Variants in CCDC88A observed in about 807,000 individuals in gnomAD.
The protein encoded by CCDC88A is girdin.
In CCDC88A, 54 loss-of-function variants were observed where a neutral mutation model predicts 234.3. The observed-to-expected ratio is 0.23, with a 90% CI of 0.19 to 0.29. The LOEUF is 0.29. CCDC88A is among the 10% of genes least tolerant of loss of function. The probability of loss-of-function intolerance (pLI) is 1.00; values close to 1 mark genes in which losing one functional copy is unlikely to be tolerated. For synonymous variants in CCDC88A, 753 were observed against 737.8 expected, an observed-to-expected ratio of 1.02 and a Z score of -0.33; for missense variants, 1,832 against 2,123.4, an observed-to-expected ratio of 0.86 and a Z score of 2.70.
rs988767674 is a variant in CCDC88A at position 55,309,910 on chromosome 2, GTA to G, written c.4080-658_4080-657del. ...TAATAACATATAATATTGTGTGTGTGTATATATATAAAATGACTATATAATCC... is the reference window on the plus strand; with the variant it reads ...TAATAACATATAATATTGTGTGTGTGTATATATAAAATGACTATATAATCC... On this transcript the variant is annotated intron_variant, in intron 23 of 32. Coordinates refer to ENST00000436346, the MANE Select transcript of CCDC88A (RefSeq NM_001365480.1). The surrounding 1 kb of genome is among the most constrained non-coding windows in gnomAD (Gnocchi z 5.1). Among the ~76,000 whole-genome samples, 1 of 152,022 alleles carries G rather than the reference GTA, an allele frequency of 6.6e-6. No individual in the cohort carries two copies. Among genetic ancestry groups the G allele is most frequent in the Non-Finnish European group, 1.5e-5 (1 of 67,996 alleles).
Position 55,312,458 on chromosome 2 carries a change from A to G in CCDC88A, c.4055T>C (p.Phe1352Ser). The G allele has an allele frequency of 6.2e-7, 1 of 1,612,374 alleles. No homozygotes were observed. Among genetic ancestry groups the G allele is most frequent in the Non-Finnish European group, 8.5e-7 (1 of 1,179,328 alleles). ...LEQNMESKDL[F>S]HVEQRQYIDK... ...CATGTACTGTCTTTGTTCAACATGA[A>G]AAAGATCCTTGCTTTCCATATTCTG... Residue 1352 changes from phenylalanine to serine, a missense_variant, in exon 23 of 33, where the codon TTT becomes TCT. By Grantham distance (155) the Phe-to-Ser change is radical. Around this residue, in one of 6 missense-constraint regions of CCDC88A, gnomAD observed 1,282 missense variants for 1,543.6 expected, o/e 0.83. Coordinates refer to ENST00000436346, the MANE Select transcript of CCDC88A (RefSeq NM_001365480.1).
intron 3 of CCDC88A, among the ~76,000 whole-genome samples, chr2:55,377,691 C>T (rs1383952249): frequency 6.6e-6 from 1 of 152,020 alleles, no homozygotes; most frequent in Non-Finnish European, 1.5e-5. Context: ...TTCAATGCAA[C>T]CTCCGCCTCC....
intron 7 of CCDC88A, among the ~76,000 whole-genome samples, chr2:55,357,676 C>G (rs1184368078): frequency 2.0e-5 from 3 of 152,104 alleles, no homozygotes; most frequent in African/African-American, 7.2e-5. Context: ...TGCTTTATTT[C>G]TCATCGCCAA....
In CCDC88A at chr2:55,317,590, C is replaced by A; in HGVS notation, c.3576G>T (p.Glu1192Asp). ...GGTCTTCAAGGTCTCTATGTTCCAC[C>A]TCAAGATTTTTGTGGGCAGACTTCA... ...GTLKSAHKNL[E>D]VEHRDLEDRY... The change falls in exon 20 of 33, where the codon GAG (glutamate) becomes GAT (aspartate). Residue 1192 changes from glutamate to aspartate, a missense_variant. Physicochemically the swap from Glu to Asp is conservative, Grantham distance 45 (BLOSUM62 2). This residue lies in a region of CCDC88A where 1,282 missense variants were observed against 1,543.6 expected (regional missense o/e 0.83). Transcript: ENST00000436346. This position sits in a 1 kb window ranked among gnomAD's most constrained non-coding sequence, Gnocchi z 4.2. The A allele has an allele frequency of 6.3e-7, 1 of 1,583,304 alleles. No homozygotes were observed. Among genetic ancestry groups the A allele is most frequent in the Non-Finnish European group, 8.6e-7 (1 of 1,158,982 alleles).
chr2:55,315,807 T>A, intron 22 of CCDC88A, 121 bp downstream of exon 22: 1 of 503,344 alleles, frequency 2.0e-6, no homozygotes, highest in Non-Finnish European at 3.4e-6. Context: ...CTAGACCAAA[T>A]TCTTTTAGAT....
rs1408958789 is a variant in CCDC88A, at chr2:55,335,267, C to G, written c.1657-103G>C. On this transcript the variant is annotated intron_variant, in intron 14 of 32. Coordinates refer to ENST00000436346, the MANE Select transcript of CCDC88A (RefSeq NM_001365480.1). This position sits in a 1 kb window ranked among gnomAD's most constrained non-coding sequence, Gnocchi z 4.5. ...AGAAAAGGGGAACAAAAAAAGGGTG[C>G]TAGAACATGTCTTACTTTTAATTCT... 1.5e-6 allele frequency: 1 copy of G among 660,220 alleles called. No homozygotes were observed. The highest frequency in any genetic ancestry group is 3.4e-5 in the Admixed American group (1 of 29,096). 40.9% of individuals were successfully genotyped at this position (660,220 alleles called of 1,614,324 possible).
intron 2 of CCDC88A, among the ~76,000 whole-genome samples, chr2:55,410,535 C>T (rs1415391206): frequency 6.6e-6 from 1 of 152,042 alleles, no homozygotes; most frequent in Non-Finnish European, 1.5e-5. Context: ...ATGTTAGGGG[C>T]AGATCTCCTC....
intron 3 of CCDC88A, among the ~76,000 whole-genome samples, chr2:55,387,176 C>CAAAAA (rs869311337): frequency 5.3e-4 from 37 of 69,746 alleles, no homozygotes; most frequent in African/African-American, 1.1e-3. Context: ...GATTCCATCT[C>CAAAAA]AAAAAAAAAA....
chr2:55,340,528 T>C (rs1668343725), intron 12 of CCDC88A, among the ~76,000 whole-genome samples: 1 of 152,222 alleles, frequency 6.6e-6, no homozygotes, highest in South Asian at 2.1e-4. Context: ...ACCGAATAGT[T>C]ACTAACTTTT....
intron 25 of CCDC88A, among the ~76,000 whole-genome samples, chr2:55,306,430 GAC>G (rs750373358): frequency 6.6e-6 from 1 of 150,670 alleles, no homozygotes; most frequent in Admixed American, 6.6e-5. Context: ...AAAACTGCTT[GAC>G]ACACACACAC....
intron 29 of CCDC88A, 54 bp downstream of exon 29, chr2:55,299,785 C>T: frequency 8.3e-7 from 1 of 1,207,460 alleles, no homozygotes. Flanking sequence ...CCATCTCCCA[C>T]CTTTAAATAC....
At chr2:55,412,477 G>A (rs987739082) in intron 2 of CCDC88A, among the ~76,000 whole-genome samples, 1 of 152,160 alleles carries the variant, frequency 6.6e-6, no homozygotes, top group African/African-American at 2.4e-5. Flanking sequence ...TCTGCCTCCT[G>A]TCAGATCAAC....
At chr2:55,343,474 G>C (rs540085681) in intron 12 of CCDC88A, among the ~76,000 whole-genome samples, 174 bp downstream of exon 12, 24 of 152,172 alleles carry the variant, frequency 1.6e-4, no homozygotes, top group African/African-American at 5.5e-4. Flanking sequence ...GACATGTAAA[G>C]CTAGGGACCA....
intron 12 of CCDC88A, among the ~76,000 whole-genome samples, chr2:55,341,126 G>A (rs1326530399): frequency 1.4e-5 from 2 of 145,930 alleles, no homozygotes; most frequent in East Asian, 4.1e-4. Context: ...TGTTGCAAAT[G>A]ACAGAATTTC....
chr2:55,400,599 A>T (rs1177853399), intron 2 of CCDC88A, among the ~76,000 whole-genome samples: 1 of 152,272 alleles, frequency 6.6e-6, no homozygotes, highest in Non-Finnish European at 1.5e-5. Flanking sequence ...TCAGGAAAAA[A>T]GATGAAGTTA....
At chr2:55,405,604 C>G (rs936802165) in intron 2 of CCDC88A, 5 of 152,234 alleles carry the variant, frequency 3.3e-5, no homozygotes, top group African/African-American at 1.2e-4. Context: ...CTGTTAGGAA[C>G]CAGTCTGCAT....
intron 2 of CCDC88A, among the ~76,000 whole-genome samples, chr2:55,414,169 T>C (rs1364758668): frequency 6.6e-6 from 1 of 152,214 alleles, no homozygotes; most frequent in Non-Finnish European, 1.5e-5. Context: ...ATTAACAATT[T>C]TCTCAGTACT....
Position 55,344,436 on chromosome 2 carries a change from A to T in CCDC88A, c.1120T>A (p.Ser374Thr). Residue 374 changes from serine (S) to threonine (T), a missense_variant, in exon 11 of 33, where the codon TCT becomes ACT. Coordinates refer to ENST00000436346, the MANE Select transcript of CCDC88A (RefSeq NM_001365480.1). ...TTTTCTAATTCATGTAATTTATCAGAACGAGCACGAGTTCCCTCTAGTTGG... is the reference window on the plus strand; with the variant it reads ...TTTTCTAATTCATGTAATTTATCAGTACGAGCACGAGTTCCCTCTAGTTGG... ...EDQLEGTRARSDKLHELEKEN... is the reference protein window; with the variant it reads ...EDQLEGTRARTDKLHELEKEN... The T allele has an allele frequency of 6.3e-7, 1 of 1,589,510 alleles. No individual in the cohort carries two copies. The highest frequency in any genetic ancestry group is 8.6e-7 in the Non-Finnish European group (1 of 1,164,018).
chr2:55,395,942 G>A (rs1677464119), intron 2 of CCDC88A, among the ~76,000 whole-genome samples: 1 of 152,152 alleles, frequency 6.6e-6, no homozygotes, highest in South Asian at 2.1e-4. Flanking sequence ...ATAAAAACAA[G>A]GAGACTATAT....
Sources: gnomAD v4.1 joint callset for allele counts (sites outside exome capture counted in the v4.1 genomes callset) on GRCh38, gnomAD v4.1.1 for gene constraint, gnomAD v4.1.1 regional missense constraint, Gnocchi (gnomAD v3.1) non-coding constraint, MANE v1.5 for transcripts, NCBI Gene and HGNC (gene_info 2026-07-23, HGNC 2026-07-21) for gene names.